Variants in NALF1 observed in about 807,000 individuals in gnomAD.
NALF1 encodes the protein NALCN channel auxiliary factor 1, also known as family with sequence similarity 155 member A.
A neutral mutation model predicts 48.4 loss-of-function variants in NALF1; 3 were observed. The observed-to-expected ratio is 0.06, with a 90% CI of 0.03 to 0.16. The LOEUF is 0.16. Among genes scored for constraint, NALF1 ranks in the 10% least tolerant of loss-of-function variants. NALF1 has a pLI of 1.00. For synonymous variants in NALF1, 262 were observed against 245.7 expected (o/e 1.07, Z -0.62); for missense variants, 526 against 571.5 (o/e 0.92, Z 0.81).
At chr13:107,297,246 T>C (rs528301739) in intron 1 of NALF1, among the ~76,000 whole-genome samples, 1 of 152,288 alleles carries the variant, frequency 6.6e-6, no homozygotes, top group African/African-American at 2.4e-5. Context: ...TTTTTCATTG[T>C]TTTTTACCTC....
chr13:107,832,412 T>C (rs978417605), intron 1 of NALF1, among the ~76,000 whole-genome samples: 1 of 152,170 alleles, frequency 6.6e-6, no homozygotes, highest in Non-Finnish European at 1.5e-5. Context: ...TTAGTGCTAA[T>C]GTATTTATAT....
chr13:107,629,224 G>T (rs1204353164), intron 1 of NALF1, among the ~76,000 whole-genome samples: 1 of 152,134 alleles, frequency 6.6e-6, no homozygotes, highest in Non-Finnish European at 1.5e-5. Context: ...TGACAATTAA[G>T]TCCAAGATGC....
chr13:107,445,638 A>T (rs1032538556), intron 1 of NALF1, among the ~76,000 whole-genome samples: 9 of 152,188 alleles, frequency 5.9e-5, no homozygotes, highest in African/African-American at 2.2e-4. Context: ...GAAACTGCCA[A>T]AGTATTTCCA....
Position 107,471,426 on chromosome 13 carries a change from G to C in NALF1, c.916-260671C>G, listed in dbSNP as rs377395122. Among the ~76,000 whole-genome samples, 29 of 152,278 alleles carry C rather than the reference G, an allele frequency of 1.9e-4. 1 individual carries two copies. The highest frequency in any genetic ancestry group is 7.0e-4 in the African/African-American group (29 of 41,544). On this transcript the variant is annotated intron_variant, in intron 1 of 2. Coordinates refer to ENST00000375915, the MANE Select transcript of NALF1 (RefSeq NM_001080396.3). The stretch of plus-strand genomic sequence containing the variant: ...GGGTTTGCAGTTGGGTCAGGGGATG[G>C]TGAAATGAAGTGAAGGGTAGGCAGG...
At chr13:107,627,138 A>G (rs1000381469) in intron 1 of NALF1, among the ~76,000 whole-genome samples, 2 of 152,036 alleles carry the variant, frequency 1.3e-5, no homozygotes, top group Non-Finnish European at 2.9e-5. Context: ...TTTCTAACCC[A>G]ATTGATTTAG....
intron 1 of NALF1, among the ~76,000 whole-genome samples, chr13:107,614,781 T>C (rs923595005): frequency 4.6e-5 from 7 of 151,682 alleles, no homozygotes; most frequent in African/African-American, 1.5e-4. Flanking sequence ...TTTTTTTCTT[T>C]CTTTTCTTTT....
chr13:107,424,370 A>T (rs1884243316), intron 1 of NALF1, among the ~76,000 whole-genome samples: 1 of 152,058 alleles, frequency 6.6e-6, no homozygotes, highest in African/African-American at 2.4e-5. Context: ...ACTCCTGAGA[A>T]CAAGCAATCC....
rs538202391 is a variant in NALF1, at chr13:107,866,167, TGCCGCCGCC to T, written c.421_429del (p.Gly141_Gly143del). On this transcript the variant is annotated inframe_deletion, in exon 1 of 3. Coordinates refer to ENST00000375915, the MANE Select transcript of NALF1 (RefSeq NM_001080396.3). This position sits in a 1 kb window ranked among gnomAD's most constrained non-coding sequence, Gnocchi z 4.4. ...CGGTCGTCTTTGCCTCGGTTGCCCT[TGCCGCCGCC>T]GCCGCCGCCGTCTCCCGGGGAGGGG... The T allele has an allele frequency of 1.9e-6, 3 of 1,605,248 alleles. No individual in the cohort carries two copies. Among genetic ancestry groups the T allele is most frequent in the African/African-American group, 1.3e-5 (1 of 74,682 alleles).
intron 1 of NALF1, among the ~76,000 whole-genome samples, chr13:107,449,215 G>A (rs2062227327): frequency 6.6e-6 from 1 of 152,120 alleles, no homozygotes; most frequent in African/African-American, 2.4e-5. Flanking sequence ...TTGCACTCCA[G>A]CCTGGGCAAC....
intron 1 of NALF1, among the ~76,000 whole-genome samples, chr13:107,408,403 C>T (rs1203198707): frequency 2.6e-5 from 4 of 151,940 alleles, no homozygotes; most frequent in Non-Finnish European, 4.4e-5. Context: ...TAAATATATA[C>T]ACCTACTATA....
intron 1 of NALF1, among the ~76,000 whole-genome samples, chr13:107,285,381 TAG>T (rs1418304380): frequency 6.6e-6 from 1 of 152,208 alleles, no homozygotes; most frequent in Non-Finnish European, 1.5e-5. Context: ...AGGGCTTGCA[TAG>T]AGAGAAGGAC....
At position 107,170,588 on chromosome 13, in the gene NALF1, G is replaced by C. The variant is rs1296387496; in HGVS notation, c.1286C>G (p.Thr429Arg). The C allele has an allele frequency of 1.2e-6, 2 of 1,614,084 alleles. No individual in the cohort carries two copies. Among genetic ancestry groups the C allele is most frequent in the Admixed American group, 1.7e-5 (1 of 60,004 alleles). ...LCVLVLILLH[T>R]VLTASAAQNT... ...CTGTGCTGCCGAGGCTGTGAGCACTGTGTGTAAGAGAATCAGTACAAGAAC... is the reference window on the plus strand; with the variant it reads ...CTGTGCTGCCGAGGCTGTGAGCACTCTGTGTAAGAGAATCAGTACAAGAAC... Residue 429 changes from threonine to arginine, a missense_variant, in exon 3 of 3, where the codon ACA becomes AGA. Thr to Arg is a moderately conservative substitution (Grantham distance 71). Transcript: ENST00000375915.
intron 1 of NALF1, among the ~76,000 whole-genome samples, chr13:107,470,074 A>G (rs1885075562): frequency 6.6e-6 from 1 of 152,108 alleles, no homozygotes; most frequent in Admixed American, 6.6e-5. Context: ...AGATAAGTTT[A>G]TGACATCCCT....
intron 1 of NALF1, among the ~76,000 whole-genome samples, chr13:107,236,725 CT>C (rs1566460162): frequency 1.4e-5 from 2 of 144,082 alleles, no homozygotes; most frequent in African/African-American, 2.6e-5. Flanking sequence ...ATCTATCTAT[CT>C]ATCTATCTAT....
At chr13:107,641,471 T>C (rs1194088866) in intron 1 of NALF1, among the ~76,000 whole-genome samples, 4 of 152,190 alleles carry the variant, frequency 2.6e-5, no homozygotes, top group Non-Finnish European at 5.9e-5. Context: ...CATTATTTAA[T>C]AATTACACAT....
chr13:107,294,342 C>T (rs1182788534), intron 1 of NALF1, among the ~76,000 whole-genome samples: 2 of 152,056 alleles, frequency 1.3e-5, no homozygotes, highest in African/African-American at 2.4e-5. Context: ...TCATTATAGC[C>T]AAAATGAATC....
intron 1 of NALF1, among the ~76,000 whole-genome samples, chr13:107,245,028 A>T (rs533063750): frequency 1.4e-4 from 22 of 152,230 alleles, no homozygotes; most frequent in Middle Eastern, 6.8e-3. Context: ...ACTAACTTTA[A>T]TTTATAGAGT....
At chr13:107,553,617 A>G (rs1877364393) in intron 1 of NALF1, among the ~76,000 whole-genome samples, 3 of 152,216 alleles carry the variant, frequency 2.0e-5, no homozygotes, top group Admixed American at 2.0e-4. Context: ...TTGAATTGTC[A>G]TATCAATAAA....
chr13:107,341,044 A>T (rs1441706903), intron 1 of NALF1, among the ~76,000 whole-genome samples: 2 of 140,018 alleles, frequency 1.4e-5, no homozygotes, highest in Non-Finnish European at 3.1e-5. Flanking sequence ...ATCACCCCCC[A>T]CCGCCCCCGC....
Sources: gnomAD v4.1 joint callset for allele counts (sites outside exome capture counted in the v4.1 genomes callset) on GRCh38, gnomAD v4.1.1 for gene constraint, Gnocchi (gnomAD v3.1) non-coding constraint, MANE v1.5 for transcripts, NCBI Gene and HGNC (gene_info 2026-07-23, HGNC 2026-07-21) for gene names.